The following ASTN2 variants were observed in gnomAD, a reference collection of about 807,000 sequenced individuals.
ASTN2 encodes the protein astrotactin-2.
In ASTN2, 54 loss-of-function variants were observed where a neutral mutation model predicts 139.8. The observed-to-expected ratio is 0.39, with a 90% CI of 0.31 to 0.48. The LOEUF (loss-of-function observed/expected upper bound fraction) is 0.48. Ranked by LOEUF, ASTN2 falls within the 20% of genes least tolerant of loss-of-function variation. The probability of loss-of-function intolerance (pLI) is 0.95; values close to 1 mark genes in which losing one functional copy is unlikely to be tolerated. For synonymous variants in ASTN2, 756 were observed against 719.5 expected (o/e 1.05, Z -0.81); for missense variants, 1,565 against 1,725.1 (o/e 0.91, Z 1.64).
chr9:116,577,547 A>C (rs1457918966), intron 19 of ASTN2, among the ~76,000 whole-genome samples: 2 of 152,094 alleles, frequency 1.3e-5, no homozygotes, highest in South Asian at 2.1e-4. Flanking sequence ...AAAAAGAAAA[A>C]GAAAAAGAAA....
intron 19 of ASTN2, among the ~76,000 whole-genome samples, chr9:116,607,670 AACACACACACAC>A (rs57512218): frequency 0.12 from 15,877 of 136,254 alleles, 994 homozygotes; most frequent in African/African-American, 0.15. Context: ...TTAAGAAATT[AACACACACACAC>A]ACACACACAC....
rs573950355 is a variant in ASTN2, at chr9:117,158,987, ATCC to A, written c.1016-17512_1016-17510del. On this transcript the variant is annotated intron_variant, in intron 3 of 22. Coordinates refer to ENST00000313400, the MANE Select transcript of ASTN2 (RefSeq NM_001365068.1). ...GGATGTACCTGGCCCTCCCTACCTC[ATCC>A]TCTCTCCAGTCACAGTCCTCATTCA... Among the ~76,000 whole-genome samples the A allele has an allele frequency of 7.3e-5, 11 of 151,698 alleles. No homozygotes were observed. The South Asian group carries it at 2.3e-3, about 32-fold the overall frequency.
At chr9:116,681,301 A>G (rs1365655430) in intron 16 of ASTN2, among the ~76,000 whole-genome samples, 14 of 152,180 alleles carry the variant, frequency 9.2e-5, no homozygotes, top group Admixed American at 3.3e-4. Context: ...AAAATACCTA[A>G]GAATCCAACT....
At chr9:116,669,463 T>C (rs1008062805) in intron 16 of ASTN2, among the ~76,000 whole-genome samples, 1 of 152,198 alleles carries the variant, frequency 6.6e-6, no homozygotes, top group Non-Finnish European at 1.5e-5. Flanking sequence ...GGCTGCGCAT[T>C]TTGCATTCCT....
chr9:116,866,989 C>G (rs1307401834), intron 10 of ASTN2, among the ~76,000 whole-genome samples: 2 of 150,432 alleles, frequency 1.3e-5, no homozygotes, highest in Non-Finnish European at 2.9e-5. Context: ...AGAAGAGACA[C>G]AGAGAGGCAG....
intron 20 of ASTN2, among the ~76,000 whole-genome samples, chr9:116,453,352 G>A (rs1320387886): frequency 1.3e-5 from 2 of 152,134 alleles, no homozygotes; most frequent in Non-Finnish European, 2.9e-5. Flanking sequence ...CTAGCACTTT[G>A]GGAGGCAGAG....
chr9:116,740,456 G>A (rs76216092), intron 13 of ASTN2, among the ~76,000 whole-genome samples: 3,351 of 152,226 alleles, frequency 0.022, 51 homozygotes, highest in Non-Finnish European at 0.036. Context: ...GTAACATGGG[G>A]ATAATGAGTT....
chr9:116,611,819 A>T (rs1046752723), intron 19 of ASTN2: 3 of 152,174 alleles, frequency 2.0e-5, no homozygotes, highest in Non-Finnish European at 4.4e-5. Flanking sequence ...ATTCTAAAAA[A>T]TGATTAAGAA....
At chr9:116,605,209 C>T (rs556140031) in intron 19 of ASTN2, among the ~76,000 whole-genome samples, 4 of 151,960 alleles carry the variant, frequency 2.6e-5, no homozygotes, top group East Asian at 3.9e-4. Flanking sequence ...TGATACTGAT[C>T]GGGGGGGAGA....
rs201934229 is a variant in ASTN2, at chr9:117,140,455, G to GA, written c.1168+870dup. 1.4e-3 allele frequency among the ~76,000 whole-genome samples: 213 copies of GA among 149,850 alleles called. 1 individual carries two copies. The highest frequency in any genetic ancestry group is 2.2e-3 in the East Asian group (11 of 5,112). ...TCAGCTAGAGACTACTGAGTAGATA[G>GA]AAAAAAAAATGGTTTGGAAATTAAG... On this transcript the variant is annotated intron_variant, in intron 4 of 22. Coordinates refer to ENST00000313400, the MANE Select transcript of ASTN2 (RefSeq NM_001365068.1).
chr9:117,015,758 A>C (rs186664285), intron 6 of ASTN2, among the ~76,000 whole-genome samples: 46 of 152,286 alleles, frequency 3.0e-4, no homozygotes, highest in African/African-American at 1.1e-3. Context: ...TTAATTTTAC[A>C]TGAAAGTACT....
intron 5 of ASTN2, among the ~76,000 whole-genome samples, chr9:117,074,930 G>A (rs532356219): frequency 1.4e-5 from 2 of 139,502 alleles, no homozygotes; most frequent in African/African-American, 2.7e-5. Flanking sequence ...AGTAAGCAGC[G>A]AAGTCATGAT....
chr9:117,298,670 G>GTGTATATATA (rs1554717041), intron 1 of ASTN2, among the ~76,000 whole-genome samples: 11 of 136,466 alleles, frequency 8.1e-5, no homozygotes. Context: ...ATATATATGT[G>GTGTATATATA]TATATATATA....
intron 10 of ASTN2, among the ~76,000 whole-genome samples, chr9:116,899,237 A>G (rs192749248): frequency 2.6e-5 from 4 of 152,266 alleles, no homozygotes; most frequent in Admixed American, 6.5e-5. Flanking sequence ...GGGACATACC[A>G]TACACCTGAG....
intron 2 of ASTN2, among the ~76,000 whole-genome samples, chr9:117,222,719 C>T (rs1190768715): frequency 6.6e-6 from 1 of 152,154 alleles, no homozygotes; most frequent in Non-Finnish European, 1.5e-5. Context: ...TTTCCCTTCC[C>T]CAGGTGCAGC....
At chr9:116,547,261 C>T (rs1852138039) in intron 19 of ASTN2, 1 of 152,184 alleles carries the variant, frequency 6.6e-6, no homozygotes, top group Admixed American at 6.5e-5. Flanking sequence ...GTATATCCCT[C>T]TGTTGTTTAC....
intron 13 of ASTN2, among the ~76,000 whole-genome samples, chr9:116,757,079 C>CT (rs1230277585): frequency 1.3e-5 from 2 of 152,114 alleles, no homozygotes; most frequent in East Asian, 3.9e-4. Flanking sequence ...CTCTCCTTCC[C>CT]TTTTTTTGAG....
chr9:116,916,580 C>T lies in ASTN2; in HGVS notation c.1890-52847G>A, dbSNP rs1926666. ...GAAAGATGTGGGCCAGGTGTGGTGGCTCATGCCTGTAATCCCACCACTTTG... is the reference window on the plus strand; with the variant it reads ...GAAAGATGTGGGCCAGGTGTGGTGGTTCATGCCTGTAATCCCACCACTTTG... On this transcript the variant is annotated intron_variant, in intron 10 of 22. Coordinates refer to ENST00000313400, the MANE Select transcript of ASTN2 (RefSeq NM_001365068.1). Among the ~76,000 whole-genome samples the T allele has an allele frequency of 2.6e-3, 391 of 152,264 alleles. 2 individuals are homozygous for T. Among genetic ancestry groups the T allele is most frequent in the African/African-American group, 9.1e-3 (376 of 41,544 alleles).
At chr9:116,543,104 T>C (rs1259888064) in intron 19 of ASTN2, among the ~76,000 whole-genome samples, 1 of 151,862 alleles carries the variant, frequency 6.6e-6, no homozygotes, top group African/African-American at 2.4e-5. Context: ...GGCACATTTT[T>C]TGGTTGGTTG....
Sources: gnomAD v4.1 joint callset for allele counts (sites outside exome capture counted in the v4.1 genomes callset) on GRCh38, gnomAD v4.1.1 for gene constraint, MANE v1.5 for transcripts, NCBI Gene and HGNC (gene_info 2026-07-23, HGNC 2026-07-21) for gene names.